Variants in PRKCI observed in about 807,000 individuals in gnomAD.
The protein encoded by PRKCI is protein kinase C iota type.
In PRKCI, 43 loss-of-function variants were observed where a neutral mutation model predicts 84.0. The ratio of observed to expected loss-of-function variants is 0.51; its 90% CI spans 0.40 to 0.66. PRKCI has a LOEUF of 0.66. Among genes scored for constraint, PRKCI ranks in the 30% least tolerant of loss-of-function variants. The probability of loss-of-function intolerance (pLI) is 0.00; values close to 1 mark genes in which losing one functional copy is unlikely to be tolerated. For synonymous variants in PRKCI, 216 were observed against 234.4 expected (o/e 0.92, Z 0.72); for missense variants, 459 against 745.6 (o/e 0.62, Z 4.48).
intron 15 of PRKCI, among the ~76,000 whole-genome samples, chr3:170,296,354 T>C (rs1734685568): frequency 6.6e-6 from 1 of 152,238 alleles, no homozygotes; most frequent in African/African-American, 2.4e-5. Context: ...TAGAATCTAT[T>C]TATTACCATG....
intron 2 of PRKCI, among the ~76,000 whole-genome samples, chr3:170,251,458 G>T (rs1733442286): frequency 6.6e-6 from 1 of 152,090 alleles, no homozygotes; most frequent in Non-Finnish European, 1.5e-5. Flanking sequence ...TAAATGCCAA[G>T]AAGAAATAGA....
chr3:170,297,883 ATTT>A (rs1194422509), intron 16 of PRKCI, among the ~76,000 whole-genome samples: 1 of 151,226 alleles, frequency 6.6e-6, no homozygotes, highest in South Asian at 2.1e-4. Flanking sequence ...TTAATTTATT[ATTT>A]TTTTTCTGAG....
intron 2 of PRKCI, among the ~76,000 whole-genome samples, chr3:170,241,176 T>A (rs901874419): frequency 6.6e-6 from 1 of 152,206 alleles, no homozygotes; most frequent in Non-Finnish European, 1.5e-5. Context: ...CTCAAATACT[T>A]ATTTCTTTGT....
intron 12 of PRKCI, among the ~76,000 whole-genome samples, chr3:170,290,711 T>G (rs1734530202): frequency 6.6e-6 from 1 of 152,210 alleles, no homozygotes; most frequent in African/African-American, 2.4e-5. Flanking sequence ...CTTTGTATTT[T>G]GAGGCCATGT....
At chr3:170,300,684 T>C (rs1183074924) in intron 17 of PRKCI, among the ~76,000 whole-genome samples, 1 of 93,294 alleles carries the variant, frequency 1.1e-5, no homozygotes. Context: ...TTGTCTTGAA[T>C]TTTTTTTTTT....
chr3:170,298,578 G>T (rs1027210213), intron 16 of PRKCI, among the ~76,000 whole-genome samples: 2 of 151,870 alleles, frequency 1.3e-5, no homozygotes, highest in East Asian at 1.9e-4. Flanking sequence ...GCTAATTTCG[G>T]TATTTTTAGT....
chr3:170,262,686 T>C (rs1733757660), intron 3 of PRKCI, among the ~76,000 whole-genome samples: 1 of 152,142 alleles, frequency 6.6e-6, no homozygotes, highest in Admixed American at 6.5e-5. Context: ...TTTTACCATG[T>C]TGGCCAGGCT....
intron 3 of PRKCI, among the ~76,000 whole-genome samples, chr3:170,261,459 TA>T (rs1192417978): frequency 2.6e-3 from 330 of 128,004 alleles, no homozygotes; most frequent in Middle Eastern, 3.8e-3. Flanking sequence ...GTTTTTTTTT[TA>T]AAAAAAAAAA....
At chr3:170,241,428 T>G (rs1005917720) in intron 2 of PRKCI, among the ~76,000 whole-genome samples, 2 of 152,216 alleles carry the variant, frequency 1.3e-5, no homozygotes, top group African/African-American at 4.8e-5. Flanking sequence ...GTGTTTGCCT[T>G]TGTATGCCTG....
intron 2 of PRKCI, among the ~76,000 whole-genome samples, chr3:170,259,402 A>C (rs967199041): frequency 6.6e-6 from 1 of 152,152 alleles, no homozygotes; most frequent in Non-Finnish European, 1.5e-5. Flanking sequence ...ACAAAATTTT[A>C]TATCTATATA....
chr3:170,238,374 A>AG (rs1733034049), intron 2 of PRKCI, among the ~76,000 whole-genome samples: 2 of 151,982 alleles, frequency 1.3e-5, no homozygotes, highest in African/African-American at 4.8e-5. Context: ...AAAAAAAAAA[A>AG]ATTATATACA....
chr3:170,298,172 C>CA (rs1734731982), intron 16 of PRKCI, among the ~76,000 whole-genome samples: 1 of 151,688 alleles, frequency 6.6e-6, no homozygotes, highest in Non-Finnish European at 1.5e-5. Context: ...CATGCCCAGC[C>CA]AAAAAATTGA....
At chr3:170,233,682 A>T (rs1180153011) in intron 1 of PRKCI, among the ~76,000 whole-genome samples, 3 of 152,166 alleles carry the variant, frequency 2.0e-5, no homozygotes, top group Non-Finnish European at 4.4e-5. Flanking sequence ...TAGTTGATAA[A>T]GCATAACTCC....
intron 10 of PRKCI, 118 bp from the exon 11 acceptor site, chr3:170,281,764 G>A: frequency 2.2e-6 from 3 of 1,369,896 alleles, no homozygotes; most frequent in Admixed American, 3.1e-5. Flanking sequence ...CAAAATTTTG[G>A]CATCTTTTTA....
intron 11 of PRKCI, 114 bp from the exon 12 acceptor site, chr3:170,284,347 C>T: frequency 5.3e-6 from 5 of 941,582 alleles, no homozygotes; most frequent in Non-Finnish European, 7.6e-6. Context: ...AAATTTGTTC[C>T]TAAAATCACT....
chr3:170,236,064 G>A (rs1732967778), intron 2 of PRKCI, among the ~76,000 whole-genome samples: 1 of 151,196 alleles, frequency 6.6e-6, no homozygotes, highest in Non-Finnish European at 1.5e-5. Context: ...GGGATTGCAA[G>A]CAGGAGCCAC....
chr3:170,241,273 G>A (rs1733124051), intron 2 of PRKCI, among the ~76,000 whole-genome samples: 1 of 152,094 alleles, frequency 6.6e-6, no homozygotes, highest in African/African-American at 2.4e-5. Context: ...CTATGCAATA[G>A]ATCACCAGAA....
chr3:170,235,214 TC>T lies in PRKCI; in HGVS notation c.102-14del. ...TTTTAATCATTTTCAAACTGAAAAC[TC>T]CTTTTCTTTTTCAGGGATATCATGA... On this transcript the variant is annotated splice_polypyrimidine_tract_variant and intron_variant, in intron 1 of 17. Transcript: ENST00000295797. 6.2e-7 allele frequency: 1 copy of T among 1,610,678 alleles called. No homozygotes were observed. The highest frequency in any genetic ancestry group is 8.5e-7 in the Non-Finnish European group (1 of 1,177,318).
intron 10 of PRKCI, 104 bp downstream of exon 10, chr3:170,281,367 G>C (rs1734240036): frequency 1.2e-6 from 1 of 859,838 alleles, no homozygotes; most frequent in African/African-American, 1.7e-5. Context: ...TATCATGGAG[G>C]ATGCAACAGT....
Sources: allele counts gnomAD v4.1 joint callset (sites outside exome capture counted in the v4.1 genomes callset), GRCh38; gene constraint gnomAD v4.1.1; transcripts MANE v1.5; gene names NCBI Gene and HGNC (gene_info 2026-07-23, HGNC 2026-07-21).